Variants in KCTD1 observed in about 807,000 individuals in gnomAD.
The protein encoded by KCTD1 is potassium channel tetramerization domain containing 1, also known as BTB/POZ domain-containing protein KCTD1.
Under a neutral mutation model 66.0 loss-of-function variants are expected in KCTD1, and 24 were observed. The ratio of observed to expected loss-of-function variants is 0.36; its 90% confidence interval spans 0.26 to 0.51. The LOEUF (loss-of-function observed/expected upper bound fraction) is 0.51, where lower values mean the gene tolerates loss of function less well. Ranked by LOEUF, KCTD1 falls within the 20% of genes least tolerant of loss-of-function variation. The pLI, the probability that KCTD1 is intolerant of heterozygous loss-of-function variation, is 0.95. For missense variants in KCTD1, 943 were observed against 1,205.2 expected (o/e 0.78, Z 3.22); for synonymous variants, 511 against 517.2 (o/e 0.99, Z 0.16).
At chr18:26,478,200 A>G (rs1334527687) in intron 2 of KCTD1, among the ~76,000 whole-genome samples, 1 of 152,262 alleles carries the variant, frequency 6.6e-6, no homozygotes, top group African/African-American at 2.4e-5. Context: ...AGGGAGCTAT[A>G]TTAAGTGCTT....
At chr18:26,512,147 A>G (rs1364675309) in intron 1 of KCTD1, among the ~76,000 whole-genome samples, 1 of 152,150 alleles carries the variant, frequency 6.6e-6, no homozygotes, top group African/African-American at 2.4e-5. Flanking sequence ...TCTGTTGCCC[A>G]GGCTGGAGTG....
intron 1 of KCTD1, among the ~76,000 whole-genome samples, chr18:26,564,937 T>A (rs1340913139): frequency 2.7e-5 from 4 of 150,036 alleles, no homozygotes; most frequent in African/African-American, 9.8e-5. Context: ...GCCTGCAATA[T>A]GTATTCAAAA....
upstream of KCTD1, among the ~76,000 whole-genome samples, chr18:26,632,832 GT>G (rs1987649593): frequency 6.6e-6 from 1 of 152,056 alleles, no homozygotes; most frequent in Non-Finnish European, 1.5e-5. Flanking sequence ...GATATATCAA[GT>G]TATTGGATAT....
intron 3 of KCTD1, among the ~76,000 whole-genome samples, chr18:26,475,246 C>T (rs1981280696): frequency 1.3e-5 from 2 of 152,100 alleles, no homozygotes; most frequent in Non-Finnish European, 2.9e-5. Flanking sequence ...ATCCTTAACG[C>T]TTTTTTTCTT....
intron 1 of KCTD1, among the ~76,000 whole-genome samples, chr18:26,582,805 G>GT (rs59317159): frequency 0.24 from 35,299 of 148,006 alleles, 4,264 homozygotes; most frequent in Middle Eastern, 0.29. Flanking sequence ...ACACCATTTG[G>GT]TTTTTTTTTT....
intron 1 of KCTD1, chr18:26,545,428 G>A (rs2144829087): frequency 1.3e-5 from 2 of 152,296 alleles, no homozygotes; most frequent in East Asian, 3.9e-4. Context: ...GAGAACTTTG[G>A]TGTTTATATT....
intron 1 of KCTD1, among the ~76,000 whole-genome samples, chr18:26,656,570 G>C (rs1347067047): frequency 6.7e-6 from 1 of 150,294 alleles, no homozygotes; most frequent in East Asian, 2.0e-4. Context: ...CACCGGCCGC[G>C]GCCCACAAAG....
chr18:26,621,946 A>G (rs2145018390), intron 1 of KCTD1, among the ~76,000 whole-genome samples: 1 of 152,160 alleles, frequency 6.6e-6, no homozygotes, highest in Middle Eastern at 3.4e-3. Flanking sequence ...CCAAGGCTTG[A>G]CCTCCACTTC....
At chr18:26,493,991 C>T (rs927665677) in intron 2 of KCTD1, among the ~76,000 whole-genome samples, 1 of 152,178 alleles carries the variant, frequency 6.6e-6, no homozygotes, top group African/African-American at 2.4e-5. Context: ...TCGCCCTTGC[C>T]CAGGTAAACT....
At chr18:26,536,945 C>T (rs1984738513) in intron 1 of KCTD1, among the ~76,000 whole-genome samples, 1 of 150,472 alleles carries the variant, frequency 6.6e-6, no homozygotes, top group Non-Finnish European at 1.5e-5. Flanking sequence ...ACCCACGAGA[C>T]ACATTCCTGG....
chr18:26,610,583 G>A (rs1438765693), intron 1 of KCTD1, among the ~76,000 whole-genome samples: 2 of 147,554 alleles, frequency 1.4e-5, no homozygotes, highest in Non-Finnish European at 1.5e-5. Context: ...GAAAGAGAGA[G>A]AGAGAGAAAG....
intron 1 of KCTD1, among the ~76,000 whole-genome samples, chr18:26,637,702 C>T (rs571918972): frequency 7.1e-4 from 108 of 152,302 alleles, no homozygotes; most frequent in Non-Finnish European, 1.1e-3. Context: ...ATTCAGCGGT[C>T]GGCTCACCCT....
chr18:26,654,617 G>A (rs372504648), intron 1 of KCTD1, among the ~76,000 whole-genome samples: 6 of 152,144 alleles, frequency 3.9e-5, no homozygotes, highest in African/African-American at 1.4e-4. Flanking sequence ...CACTGCAGTC[G>A]TTTTGCATAC....
intron 1 of KCTD1, chr18:26,565,794 T>C (rs1158418230): frequency 3.3e-5 from 5 of 152,064 alleles, no homozygotes; most frequent in Admixed American, 3.3e-4. Context: ...CAGTGGTTGC[T>C]AAACTCTTTG....
chr18:26,546,928 A>G lies in KCTD1; in HGVS notation c.1609T>C (p.Tyr537His). ...KSEAAPKRALYESVFGSGEIC... is the reference protein window; with the variant it reads ...KSEAAPKRALHESVFGSGEIC... ...TCCCCCGACCCGAACACAGACTCGT[A>G]CAGGGCGCGCTTGGGCGCAGCCTCG... The change falls in exon 1 of 5, where the codon TAC becomes CAC. Residue 537 changes from tyrosine (Y) to histidine (H), a missense_variant. Tyr to His is a moderately conservative substitution (Grantham distance 83, BLOSUM62 2). Coordinates refer to ENST00000580059, the MANE Select transcript of KCTD1 (RefSeq NM_001142730.3). 1 of 1,480,968 alleles carries G rather than the reference A, an allele frequency of 6.8e-7. No homozygotes were observed. Among genetic ancestry groups the G allele is most frequent in the Non-Finnish European group, 9.0e-7 (1 of 1,113,570 alleles). 91.7% of individuals were successfully genotyped at this position (1,480,968 alleles called of 1,614,324 possible). A position where few individuals can be genotyped will look rare whatever the true frequency, so the allele number is the denominator to read the frequency against.
chr18:26,641,129 C>T (rs113475484), upstream of KCTD1, among the ~76,000 whole-genome samples: 15 of 152,236 alleles, frequency 9.9e-5, 1 homozygote, highest in African/African-American at 3.6e-4. Context: ...GTATGTAAGG[C>T]CTGTTTATAC....
chr18:26,632,148 G>T (rs1987634539), upstream of KCTD1, among the ~76,000 whole-genome samples: 1 of 151,940 alleles, frequency 6.6e-6, no homozygotes, highest in Non-Finnish European at 1.5e-5. Context: ...ACTTTGGGAG[G>T]CCGAGGCGGG....
In KCTD1 at chr18:26,547,900, C is replaced by T. The variant is rs1458596353; in HGVS notation, c.637G>A (p.Ala213Thr). The T allele has an allele frequency of 6.5e-7, 1 of 1,543,712 alleles. No individual in the cohort carries two copies. The change falls in exon 1 of 5, where the codon GCC (alanine) becomes ACC (threonine). Residue 213 changes from alanine to threonine, a missense_variant. Around this residue, in one of 10 missense-constraint regions of KCTD1, gnomAD observed 96 missense variants for 132.5 expected, o/e 0.72. Coordinates refer to ENST00000580059, the MANE Select transcript of KCTD1 (RefSeq NM_001142730.3). ...ALCRVLRSFY[A>T]EARSKSGQLY... ...TGGCCGCTTTTGGAGCGGGCCTCGG[C>T]ATAGAAGGAGCGCAGCACGCGGCAC...
At chr18:26,550,565 GACACACACAC>G (rs60922405), upstream of KCTD1, among the ~76,000 whole-genome samples, 418 of 140,580 alleles carry the variant, frequency 3.0e-3, 2 homozygotes, top group African/African-American at 8.1e-3. This position sits in a 1 kb window ranked among gnomAD's most constrained non-coding sequence, Gnocchi z 5.4. Context: ...AAGACACACA[GACACACACAC>G]ACACACACAC....
Sources: gnomAD v4.1 joint callset for allele counts (sites outside exome capture counted in the v4.1 genomes callset) on GRCh38, gnomAD v4.1.1 for gene constraint, gnomAD v4.1.1 regional missense constraint, Gnocchi (gnomAD v3.1) non-coding constraint, MANE v1.5 for transcripts, NCBI Gene and HGNC (gene_info 2026-07-23, HGNC 2026-07-21) for gene names.